CRAMP1: variants seen among roughly 807,000 people sequenced by gnomAD.
The protein encoded by CRAMP1 is protein cramped-like.
CRAMP1 carries 50 observed loss-of-function variants against 115.4 expected under a neutral mutation model. The ratio of observed to expected loss-of-function variants is 0.43; its 90% CI spans 0.35 to 0.55. CRAMP1 has a LOEUF of 0.55. Among genes scored for constraint, CRAMP1 ranks in the 20% least tolerant of loss-of-function variants. The pLI is 0.01. For missense variants in CRAMP1, 1,679 were observed against 1,721.7 expected, an observed-to-expected ratio of 0.98 and a Z score of 0.44; for synonymous variants, 866 against 745.4, an observed-to-expected ratio of 1.16 and a Z score of -2.64.
intron 4 of CRAMP1, among the ~76,000 whole-genome samples, chr16:1,635,668 A>C (rs1187003380): frequency 6.6e-6 from 1 of 152,196 alleles, no homozygotes; most frequent in Admixed American, 6.5e-5. Flanking sequence ...AGTGGACTTT[A>C]AAATATATAT....
intron 1 of CRAMP1, among the ~76,000 whole-genome samples, chr16:1,613,292 G>C (rs1373940946): frequency 2.0e-5 from 3 of 152,114 alleles, no homozygotes; most frequent in Admixed American, 1.3e-4. Context: ...AATTCCGACA[G>C]GAGAAAACGG....
intron 17 of CRAMP1, 88 bp downstream of exon 17, chr16:1,667,488 G>A (rs1300920516): frequency 6.8e-6 from 7 of 1,030,338 alleles, no homozygotes; most frequent in African/African-American, 1.6e-5. Flanking sequence ...TCTTGGAGTG[G>A]CCCGGCTTCT....
rs2036777187 is a variant in CRAMP1 at position 1,656,577 on chromosome 16, C to T, written c.1820C>T (p.Ala607Val). 18 of 1,560,124 alleles carry T rather than the reference C, an allele frequency of 1.2e-5. No homozygotes were observed. The highest frequency in any genetic ancestry group is 1.6e-5 in the Non-Finnish European group (18 of 1,152,608). Reference protein sequence around the residue: ...PEVLAPVSKEAADLAPTGPSP... With the variant: ...PEVLAPVSKEVADLAPTGPSP... ...GTGCTGGCTCCTGTCAGCAAGGAGG[C>T]TGCTGACCTTGCTCCCACTGGCCCA... Residue 607 changes from alanine to valine, a missense_variant, in exon 10 of 21, where the codon GCT (alanine) becomes GTT (valine). By Grantham distance (64) the Ala-to-Val change is moderately conservative. Coordinates refer to ENST00000397412, the MANE Select transcript of CRAMP1 (RefSeq NM_020825.4). This position sits in a 1 kb window ranked among gnomAD's most constrained non-coding sequence, Gnocchi z 5.6.
intron 1 of CRAMP1, among the ~76,000 whole-genome samples, chr16:1,612,880 G>C (rs893068743): frequency 6.6e-6 from 1 of 152,110 alleles, no homozygotes; most frequent in East Asian, 1.9e-4. Flanking sequence ...GTCCGGTCTC[G>C]TTGGAGGTTC....
rs563756298 is a variant in CRAMP1, at chr16:1,637,720, G to A, written c.695-104G>A. 7.3e-5 allele frequency: 36 copies of A among 493,108 alleles called. No homozygotes were observed. The Admixed American group carries it at 1.2e-3, about 16-fold the overall frequency. 30.5% of individuals were successfully genotyped at this position (493,108 alleles called of 1,614,324 possible). On this transcript the variant is annotated intron_variant, in intron 4 of 20. Transcript: ENST00000397412. ...ACAGCTTGCATGACAAAGGTACAGG[G>A]AGGAGATCCAAGAAACCACGTGAGC... is the stretch of plus-strand genomic sequence containing the variant.
At chr16:1,623,462 A>C (rs2036482333) in intron 2 of CRAMP1, among the ~76,000 whole-genome samples, 1 of 152,248 alleles carries the variant, frequency 6.6e-6, no homozygotes, top group African/African-American at 2.4e-5. Flanking sequence ...AAGATTTAGC[A>C]AGACATGTGG....
At chr16:1,659,775 A>G (rs942712001) in intron 10 of CRAMP1, 111 bp from the exon 11 acceptor site, 3 of 1,059,800 alleles carry the variant, frequency 2.8e-6, no homozygotes, top group Non-Finnish European at 4.3e-6. Context: ...TGCCGTCATG[A>G]CACTGTGCTT....
At chr16:1,661,726 G>A (rs892043686) in intron 11 of CRAMP1, among the ~76,000 whole-genome samples, 2 of 151,872 alleles carry the variant, frequency 1.3e-5, no homozygotes, top group Non-Finnish European at 2.9e-5. Flanking sequence ...CACCCGAGTA[G>A]TTGGGATTAC....
chr16:1,669,947 G>C lies in CRAMP1; in HGVS notation c.3500-717G>C, dbSNP rs2036908515. 6.6e-6 allele frequency among the ~76,000 whole-genome samples: 1 copy of C among 152,134 alleles called. No homozygotes were observed. Among genetic ancestry groups the C allele is most frequent in the Non-Finnish European group, 1.5e-5 (1 of 68,022 alleles). On this transcript the variant is annotated intron_variant, in intron 19 of 20. Transcript: ENST00000397412. This position sits in a 1 kb window ranked among gnomAD's most constrained non-coding sequence, Gnocchi z 4.6. Reference sequence around the variant, plus strand: ...GTCTCATGTAGCAGTGCAGATGTTTGGAAAGTCACACGTAAATCTTGAAAA... The same window carrying C: ...GTCTCATGTAGCAGTGCAGATGTTTCGAAAGTCACACGTAAATCTTGAAAA...
At chr16:1,655,505 C>T (rs2036763387) in intron 9 of CRAMP1, among the ~76,000 whole-genome samples, 1 of 152,190 alleles carries the variant, frequency 6.6e-6, no homozygotes, top group Admixed American at 6.5e-5. Flanking sequence ...AGTGCTAGAA[C>T]TCAGTCACAG....
chr16:1,631,851 C>G (rs1422375693), intron 3 of CRAMP1, among the ~76,000 whole-genome samples: 1 of 152,254 alleles, frequency 6.6e-6, no homozygotes, highest in Non-Finnish European at 1.5e-5. Context: ...AACTGCTTCT[C>G]TTCCAGAGCT....
chr16:1,646,517 TTTC>T (rs752598417), intron 6 of CRAMP1, among the ~76,000 whole-genome samples: 11 of 152,216 alleles, frequency 7.2e-5, no homozygotes, highest in African/African-American at 1.4e-4. Context: ...AAGTACCTGT[TTTC>T]TTCTTCTTGA....
chr16:1,656,008 C>G lies in CRAMP1; in HGVS notation c.1251C>G (p.His417Gln). ...TPLPGVARVV[H>Q]SKAFCTVHWQ... is the part of the protein sequence containing the mutation. ...TGCCGGGCGTGGCTCGCGTGGTGCA[C>G]TCCAAGGCCTTCTGCACAGTGCACT... The change falls in exon 10 of 21, where the codon CAC becomes CAG. Residue 417 changes from histidine (H) to glutamine (Q), a missense_variant. His to Gln is a conservative substitution (Grantham distance 24). Coordinates refer to ENST00000397412, the MANE Select transcript of CRAMP1 (RefSeq NM_020825.4). This position sits in a 1 kb window ranked among gnomAD's most constrained non-coding sequence, Gnocchi z 5.6. The G allele has an allele frequency of 3.1e-6, 5 of 1,612,830 alleles. No individual in the cohort carries two copies. Among genetic ancestry groups the G allele is most frequent in the Non-Finnish European group, 4.2e-6 (5 of 1,179,872 alleles).
chr16:1,656,601 C>T lies in CRAMP1; in HGVS notation c.1844C>T (p.Pro615Leu). 1.3e-6 allele frequency: 2 copies of T among 1,571,340 alleles called. No individual in the cohort carries two copies. Among genetic ancestry groups the T allele is most frequent in the Non-Finnish European group, 1.7e-6 (2 of 1,159,268 alleles). Residue 615 changes from proline (P) to leucine (L), a missense_variant, in exon 10 of 21, where the codon CCA becomes CTA. Transcript: ENST00000397412. This position sits in a 1 kb window ranked among gnomAD's most constrained non-coding sequence, Gnocchi z 5.6. ...KEAADLAPTG[P>L]SPRPGPGLLL... is the part of the protein sequence containing the mutation. Reference sequence around the variant, plus strand: ...GCTGCTGACCTTGCTCCCACTGGCCCATCCCCGAGGCCCGGCCCCGGGCTC... The same window carrying T: ...GCTGCTGACCTTGCTCCCACTGGCCTATCCCCGAGGCCCGGCCCCGGGCTC...
chr16:1,639,723 G>C (rs755438651), intron 5 of CRAMP1, among the ~76,000 whole-genome samples: 2 of 152,180 alleles, frequency 1.3e-5, no homozygotes, highest in African/African-American at 2.4e-5. Context: ...ACCAATCAGA[G>C]ATACTTTCAA....
Position 1,612,429 on chromosome 16 carries a change from G to A in CRAMP1, c.-230G>A, listed in dbSNP as rs1490785345. On this transcript the variant is annotated 5_prime_UTR_variant, in exon 1 of 21. Transcript: ENST00000397412. ...GCGGGCCGGCTTCGCTAGGGTGAGT[G>A]GCGGCAGTATCTGCGTCCGCAGCCC... 2 of 151,298 alleles carry A rather than the reference G, an allele frequency of 1.3e-5. No individual in the cohort carries two copies. Among genetic ancestry groups the A allele is most frequent in the Admixed American group, 1.3e-4 (2 of 15,184 alleles). The allele number at this position is 151,298 out of a possible 1,614,324, so 9.4% of individuals were successfully genotyped here. A position where few individuals can be genotyped will look rare whatever the true frequency, so the allele number is the denominator to read the frequency against.
chr16:1,661,937 A>G (rs905760101), intron 11 of CRAMP1, among the ~76,000 whole-genome samples: 5 of 152,194 alleles, frequency 3.3e-5, no homozygotes, highest in African/African-American at 1.2e-4. Flanking sequence ...TCTAAAAACT[A>G]GAGATTTACA....
chr16:1,632,496 C>T, intron 4 of CRAMP1, 131 bp downstream of exon 4: 1 of 943,780 alleles, frequency 1.1e-6, no homozygotes. Flanking sequence ...CCTGGGGCTC[C>T]TCGCCTTGCA....
intron 6 of CRAMP1, among the ~76,000 whole-genome samples, chr16:1,651,583 G>T (rs1425991135): frequency 6.6e-6 from 1 of 151,368 alleles, no homozygotes; most frequent in Non-Finnish European, 1.5e-5. Context: ...TTCACGGAGA[G>T]GTGGGCTGAG....
Sources: gnomAD v4.1 joint callset for allele counts (sites outside exome capture counted in the v4.1 genomes callset) on GRCh38, gnomAD v4.1.1 for gene constraint, Gnocchi (gnomAD v3.1) non-coding constraint, MANE v1.5 for transcripts, NCBI Gene and HGNC (gene_info 2026-07-23, HGNC 2026-07-21) for gene names.